Variants in GUCY2D observed in about 807,000 individuals in gnomAD.
GUCY2D encodes the protein retinal guanylyl cyclase 1.
Under a neutral mutation model 101.3 loss-of-function variants are expected in GUCY2D, and 70 were observed. That is an observed-to-expected ratio of 0.69 (90% confidence interval 0.57 to 0.84). The LOEUF is 0.84. GUCY2D is among the 40% of genes least tolerant of loss of function. The pLI, the probability that GUCY2D is intolerant of heterozygous loss-of-function variation, is 0.00. For synonymous variants in GUCY2D, 688 were observed against 670.7 expected, an observed-to-expected ratio of 1.03 and a Z score of -0.40; for missense variants, 1,460 against 1,542.5, an observed-to-expected ratio of 0.95 and a Z score of 0.90.
At chr17:8,016,621 A>G (rs1176818926) in intron 19 of GUCY2D, 67 bp downstream of exon 19, 8 of 793,952 alleles carry the variant, frequency 1.0e-5, no homozygotes, top group African/African-American at 1.7e-5. Flanking sequence ...CGTCCCACCC[A>G]AGCCAGGTGT....
intron 3 of GUCY2D, 87 bp from the exon 4 acceptor site, chr17:8,006,276 A>G: frequency 1.0e-6 from 1 of 991,496 alleles, no homozygotes. Flanking sequence ...GCAACAGTGG[A>G]TACCCTGGGC....
chr17:8,015,063 AG>A lies in GUCY2D; in HGVS notation c.2769+16del, dbSNP rs1348792278. The A allele has an allele frequency of 1.2e-6, 2 of 1,609,720 alleles. No homozygotes were observed. The highest frequency in any genetic ancestry group is 3.3e-5 in the Admixed American group (2 of 59,854). ...ACGATGTCTACAAGGTGCAGTGTGTAGGGGACAAGCCCTCCTGACCTTCAAT... is the reference window on the plus strand; with the variant it reads ...ACGATGTCTACAAGGTGCAGTGTGTAGGGACAAGCCCTCCTGACCTTCAAT... On this transcript the variant is annotated intron_variant, in intron 14 of 19. Coordinates refer to ENST00000254854, the MANE Select transcript of GUCY2D (RefSeq NM_000180.4).
chr17:8,013,872 G>A lies in GUCY2D; in HGVS notation c.2264-8G>A. The A allele has an allele frequency of 6.2e-7, 1 of 1,612,942 alleles. No individual in the cohort carries two copies. The highest frequency in any genetic ancestry group is 8.5e-7 in the Non-Finnish European group (1 of 1,179,032). On this transcript the variant is annotated splice_polypyrimidine_tract_variant and splice_region_variant and intron_variant, in intron 11 of 19. Coordinates refer to ENST00000254854, the MANE Select transcript of GUCY2D (RefSeq NM_000180.4). This position sits in a 1 kb window ranked among gnomAD's most constrained non-coding sequence, Gnocchi z 5.0. ...GCACTCCCCCTCACTGTCCCCTCATGCCTCCAGAAGTGGTGCAGAGGGTGC... is the reference window on the plus strand; with the variant it reads ...GCACTCCCCCTCACTGTCCCCTCATACCTCCAGAAGTGGTGCAGAGGGTGC...
At position 8,003,073 on chromosome 17, in the gene GUCY2D, G is replaced by T. The variant is rs1262404909; in HGVS notation, c.26G>T (p.Gly9Val). The T allele has an allele frequency of 6.6e-7, 1 of 1,526,578 alleles. No homozygotes were observed. Among genetic ancestry groups the T allele is most frequent in the Admixed American group, 2.0e-5 (1 of 50,202 alleles). The allele number at this position is 1,526,578 out of a possible 1,614,324, so 94.6% of individuals were successfully genotyped here. Residue 9 changes from glycine (G) to valine (V), a missense_variant, in exon 2 of 20, where the codon GGT (glycine) becomes GTT (valine). Around this residue, in one of 3 missense-constraint regions of GUCY2D, gnomAD observed 1,196 missense variants for 1,229.6 expected, o/e 0.97. Coordinates refer to ENST00000254854, the MANE Select transcript of GUCY2D (RefSeq NM_000180.4). Reference sequence around the variant, plus strand: ...ATGACCGCCTGCGCCCGCCGAGCGGGTGGGCTTCCGGACCCCGGGCTCTGC... The same window carrying T: ...ATGACCGCCTGCGCCCGCCGAGCGGTTGGGCTTCCGGACCCCGGGCTCTGC... Reference protein sequence around the residue: MTACARRAGGLPDPGLCGP... With the variant: MTACARRAVGLPDPGLCGP...
At position 8,003,531 on chromosome 17, in the gene GUCY2D, G is replaced by A. The variant is rs890804991; in HGVS notation, c.484G>A (p.Ala162Thr). The A allele has an allele frequency of 3.2e-6, 5 of 1,543,244 alleles. No homozygotes were observed. Among genetic ancestry groups the A allele is most frequent in the Non-Finnish European group, 4.3e-6 (5 of 1,151,856 alleles). ...CTGGACGCAGGCGGAGGGCACCACG[G>A]CCCCTGCCGTGACCCCCGCCGCGGA... ...CPWTQAEGTT[A>T]PAVTPAADAL... The change falls in exon 2 of 20, where the codon GCC (alanine) becomes ACC (threonine). Residue 162 changes from alanine to threonine, a missense_variant. Around this residue, in one of 3 missense-constraint regions of GUCY2D, gnomAD observed 1,196 missense variants for 1,229.6 expected, o/e 0.97. Coordinates refer to ENST00000254854, the MANE Select transcript of GUCY2D (RefSeq NM_000180.4).
At chr17:8,016,936 G>A (rs146406238) in intron 19 of GUCY2D, 2 of 179,730 alleles carry the variant, frequency 1.1e-5, no homozygotes, top group East Asian at 1.6e-4. Context: ...CTCCCCTCCT[G>A]CAAGAAACTG....
In GUCY2D at chr17:8,013,089, T is replaced by C. The variant is rs1378683870; in HGVS notation, c.2114-14T>C. The stretch of plus-strand genomic sequence containing the variant: ...CTTTCCCCAGCGGCGCCTCAGCCCC[T>C]TCCCCATCCCCAGACCAGCTGTGGA... On this transcript the variant is annotated splice_polypyrimidine_tract_variant and intron_variant, in intron 10 of 19. Coordinates refer to ENST00000254854, the MANE Select transcript of GUCY2D (RefSeq NM_000180.4). The surrounding 1 kb of genome is among the most constrained non-coding windows in gnomAD (Gnocchi z 5.0). 6.2e-7 allele frequency: 1 copy of C among 1,609,774 alleles called. No homozygotes were observed. Among genetic ancestry groups the C allele is most frequent in the Admixed American group, 1.7e-5 (1 of 59,968 alleles).
intron 8 of GUCY2D, among the ~76,000 whole-genome samples, chr17:8,010,395 G>A (rs1421686717): frequency 1.3e-5 from 2 of 152,138 alleles, no homozygotes; most frequent in East Asian, 3.8e-4. Context: ...CATGCAGCCT[G>A]GGCCTGGCCT....
rs1327739880 is a variant in GUCY2D, at chr17:8,016,560, GCC to G, written c.*24+10_*24+11del. 8.0e-6 allele frequency: 11 copies of G among 1,366,800 alleles called. No homozygotes were observed. In the East Asian group the frequency reaches 2.7e-4, roughly 34 times the overall value. The allele number at this position is 1,366,800 out of a possible 1,614,324, so 84.7% of individuals were successfully genotyped here. A position where few individuals can be genotyped will look rare whatever the true frequency, so the allele number is the denominator to read the frequency against. On this transcript the variant is annotated splice_region_variant and intron_variant, in intron 19 of 19. Coordinates refer to ENST00000254854, the MANE Select transcript of GUCY2D (RefSeq NM_000180.4). ...TGAGGCCCGGCCCCGGACAGGTACT[GCC>G]CCCTCAGCCCCAACCCCAGCTGCCG...
At position 8,006,493 on chromosome 17, in the gene GUCY2D, A is replaced by G. The variant is rs1975741886; in HGVS notation, c.1157A>G (p.Gln386Arg). 1 of 1,608,506 alleles carries G rather than the reference A, an allele frequency of 6.2e-7. No individual in the cohort carries two copies. Among genetic ancestry groups the G allele is most frequent in the Non-Finnish European group, 8.5e-7 (1 of 1,179,968 alleles). Residue 386 changes from glutamine (Q) to arginine (R), a missense_variant, in exon 4 of 20, where the codon CAG (glutamine) becomes CGG (arginine). Coordinates refer to ENST00000254854, the MANE Select transcript of GUCY2D (RefSeq NM_000180.4). ...AAVARHIRDA[Q>R]VPGFCGDLGG... ...GTGGCCCGCCACATCCGGGATGCGC[A>G]GGTCCCTGGCTTCTGCGGGGACCTA...
In GUCY2D at chr17:8,009,537, G is replaced by C; in HGVS notation, c.1700G>C (p.Gly567Ala). The C allele has an allele frequency of 6.2e-7, 1 of 1,613,812 alleles. No homozygotes were observed. Among genetic ancestry groups the C allele is most frequent in the Non-Finnish European group, 8.5e-7 (1 of 1,179,742 alleles). The stretch of plus-strand genomic sequence containing the variant: ...AGGGTTTGGCTGAAGAAATTCCCAG[G>C]GGATCAGCACATAGCTATCCGCCCA... Reference protein sequence around the residue: ...GDRVWLKKFPGDQHIAIRPAT... With the variant: ...GDRVWLKKFPADQHIAIRPAT... The change falls in exon 8 of 20, where the codon GGG (glycine) becomes GCG (alanine). Residue 567 changes from glycine to alanine, a missense_variant. Gly to Ala is a moderately conservative substitution (Grantham distance 60). Transcript: ENST00000254854.
rs1235194694 is a variant in GUCY2D, at chr17:8,014,293, T to C, written c.2412+265T>C. 3.3e-6 allele frequency: 2 copies of C among 603,036 alleles called. No homozygotes were observed. Among genetic ancestry groups the C allele is most frequent in the Non-Finnish European group, 5.9e-6 (2 of 338,722 alleles). The allele number at this position is 603,036 out of a possible 1,614,324, so 37.4% of individuals were successfully genotyped here. The stretch of plus-strand genomic sequence containing the variant: ...TAACACTGATTGAGAACCAAGTATG[T>C]GCTTGGCCTGCTGTGACAGAAAGAC... On this transcript the variant is annotated intron_variant, in intron 12 of 19. Transcript: ENST00000254854. This position sits in a 1 kb window ranked among gnomAD's most constrained non-coding sequence, Gnocchi z 4.0.
chr17:8,012,352 T>C lies in GUCY2D; in HGVS notation c.1956+2T>C, dbSNP rs61749758. On this transcript the variant is annotated splice_donor_variant, in intron 9 of 19. Transcript: ENST00000254854. LOFTEE classifies it high-confidence loss of function. ...TCCCTCCTGCTGGACCTTATCAAGG[T>C]GTGTGTCTGGGGGTGGTGGGGTGAC... 1 of 1,610,390 alleles carries C rather than the reference T, an allele frequency of 6.2e-7. No individual in the cohort carries two copies. The highest frequency in any genetic ancestry group is 1.7e-5 in the Admixed American group (1 of 59,714).
Position 8,007,299 on chromosome 17 carries a change from T to C in GUCY2D, c.1464-127T>C, listed in dbSNP as rs1286936537. ...GGCTGGTAGAGTCCCAGGGGATGTG[T>C]GCTTTGGGGATGGCTGCCCTCCAGG... is the stretch of plus-strand genomic sequence containing the variant. On this transcript the variant is annotated intron_variant, in intron 5 of 19. Transcript: ENST00000254854. The C allele has an allele frequency of 2.2e-5, 20 of 894,084 alleles. No individual in the cohort carries two copies. The Admixed American group carries it at 3.4e-4, about 15-fold the overall frequency. The allele number at this position is 894,084 out of a possible 1,614,324, so 55.4% of individuals were successfully genotyped here. A position where few individuals can be genotyped will look rare whatever the true frequency, so the allele number is the denominator to read the frequency against.
rs1567961697 is a variant in GUCY2D at position 8,014,928 on chromosome 17, C to T, written c.2646C>T (p.Tyr882=). ...EPEYFEQVTL[Y]FSDIVGFTTI... is the part of the protein sequence containing the mutation. ...AGTACTTTGAGCAAGTGACACTGTA[C>T]TTTAGTGACATTGTGGGCTTCACCA... Residue 882 remains tyrosine, a synonymous_variant, in exon 14 of 20, where the codon TAC becomes TAT. Coordinates refer to ENST00000254854, the MANE Select transcript of GUCY2D (RefSeq NM_000180.4). This position sits in a 1 kb window ranked among gnomAD's most constrained non-coding sequence, Gnocchi z 4.0. 1.2e-6 allele frequency: 2 copies of T among 1,613,868 alleles called. No homozygotes were observed. Among genetic ancestry groups the T allele is most frequent in the Non-Finnish European group, 1.7e-6 (2 of 1,179,876 alleles).
At chr17:8,009,927 G>A (rs1975817396) in intron 8 of GUCY2D, among the ~76,000 whole-genome samples, 1 of 151,932 alleles carries the variant, frequency 6.6e-6, no homozygotes, top group Non-Finnish European at 1.5e-5. Context: ...ACCGTGGGCT[G>A]TGATCATACT....
At chr17:8,010,338 G>C (rs1975825643) in intron 8 of GUCY2D, among the ~76,000 whole-genome samples, 1 of 152,128 alleles carries the variant, frequency 6.6e-6, no homozygotes, top group African/African-American at 2.4e-5. Context: ...GCTGTAAATG[G>C]CTTATTCTGG....
chr17:8,010,937 G>A (rs1348120930), intron 8 of GUCY2D, among the ~76,000 whole-genome samples: 3 of 152,064 alleles, frequency 2.0e-5, no homozygotes, highest in Non-Finnish European at 4.4e-5. Context: ...GATTGTGAGG[G>A]CACTGTCCTG....
At chr17:8,005,481 G>A (rs1975720340) in intron 3 of GUCY2D, among the ~76,000 whole-genome samples, 1 of 152,150 alleles carries the variant, frequency 6.6e-6, no homozygotes, top group Non-Finnish European at 1.5e-5. Context: ...GCCAGACCAA[G>A]CTACTCTGGG....
Sources: gnomAD v4.1 joint callset for allele counts (sites outside exome capture counted in the v4.1 genomes callset) on GRCh38, gnomAD v4.1.1 for gene constraint, gnomAD v4.1.1 regional missense constraint, Gnocchi (gnomAD v3.1) non-coding constraint, MANE v1.5 for transcripts, NCBI Gene and HGNC (gene_info 2026-07-23, HGNC 2026-07-21) for gene names.